Variants in ZNF341 observed in about 807,000 individuals in gnomAD.
The protein encoded by ZNF341 is zinc finger protein 341.
A neutral mutation model predicts 87.7 loss-of-function variants in ZNF341; 52 were observed. The observed-to-expected ratio is 0.59, with a 90% CI of 0.47 to 0.75. The LOEUF (loss-of-function observed/expected upper bound fraction) is 0.75. Ranked by LOEUF, ZNF341 falls within the 30% of genes least tolerant of loss-of-function variation. The pLI is 0.00. For synonymous variants in ZNF341, 459 were observed against 472.7 expected (o/e 0.97, Z 0.38); for missense variants, 977 against 1,145.9 (o/e 0.85, Z 2.13).
chr20:33,771,584 G>A (rs556017870), intron 10 of ZNF341, among the ~76,000 whole-genome samples: 1 of 152,182 alleles, frequency 6.6e-6, no homozygotes, highest in Admixed American at 6.5e-5. Flanking sequence ...GATGGATCAG[G>A]TATGGATTTT....
At chr20:33,777,411 G>A (rs533268063) in intron 10 of ZNF341, among the ~76,000 whole-genome samples, 2 of 151,488 alleles carry the variant, frequency 1.3e-5, no homozygotes, top group African/African-American at 2.4e-5. Context: ...GAGGTGGGCG[G>A]ATCACCTGAA....
chr20:33,745,858 A>C (rs547685611), intron 3 of ZNF341, among the ~76,000 whole-genome samples: 4 of 149,166 alleles, frequency 2.7e-5, no homozygotes, highest in African/African-American at 9.8e-5. Flanking sequence ...GCTGGGACTG[A>C]GTAAGTAGGA....
chr20:33,766,544 T>C (rs1740805561), intron 8 of ZNF341, among the ~76,000 whole-genome samples: 1 of 152,022 alleles, frequency 6.6e-6, no homozygotes, highest in African/African-American at 2.4e-5. Flanking sequence ...GGAGTACAAC[T>C]AGGATGGTGT....
chr20:33,752,586 G>A (rs1168108020), intron 4 of ZNF341: 3 of 330,566 alleles, frequency 9.1e-6, no homozygotes, highest in Non-Finnish European at 1.7e-5. Context: ...TCTTAAGATA[G>A]CAACATTAGG....
At position 33,732,141 on chromosome 20, in the gene ZNF341, G is replaced by A. The variant is rs2018578424; in HGVS notation, c.31+89G>A. On this transcript the variant is annotated intron_variant, in intron 1 of 14. Coordinates refer to ENST00000375200, the MANE Select transcript of ZNF341 (RefSeq NM_001282933.2). This position sits in a 1 kb window ranked among gnomAD's most constrained non-coding sequence, Gnocchi z 4.5. The stretch of plus-strand genomic sequence containing the variant: ...CGCAGCGCCCGGCCTAGGGCGCGCA[G>A]CGGCCGCGGGGCGGAGGGCGCCGGG... The A allele has an allele frequency of 1.0e-6, 1 of 989,442 alleles. No individual in the cohort carries two copies. Among genetic ancestry groups the A allele is most frequent in the Non-Finnish European group, 1.2e-6 (1 of 828,454 alleles). 61.3% of individuals were successfully genotyped at this position (989,442 alleles called of 1,614,324 possible).
intron 12 of ZNF341, among the ~76,000 whole-genome samples, chr20:33,785,697 A>G (rs1025125405): frequency 2.6e-5 from 4 of 152,192 alleles, no homozygotes; most frequent in African/African-American, 9.7e-5. Flanking sequence ...AGTTTGCAAA[A>G]TACTCCTAAT....
chr20:33,740,809 C>T (rs891639795), intron 1 of ZNF341, 93 bp from the exon 2 acceptor site: 3 of 1,146,764 alleles, frequency 2.6e-6, no homozygotes, highest in African/African-American at 3.0e-5. Flanking sequence ...TACCCAGCCG[C>T]CACAGGGGTT....
At chr20:33,766,802 T>C in intron 8 of ZNF341, 49 bp from the exon 9 acceptor site, 1 of 1,549,328 alleles carries the variant, frequency 6.5e-7, no homozygotes, top group African/African-American at 1.4e-5. Context: ...TGTGCATCCT[T>C]CCTGAATGGG....
intron 8 of ZNF341, among the ~76,000 whole-genome samples, chr20:33,762,260 A>G (rs1336237590): frequency 1.3e-5 from 2 of 152,168 alleles, no homozygotes; most frequent in African/African-American, 4.8e-5. Flanking sequence ...TACCCATGGC[A>G]GACATCACTA....
At chr20:33,784,962 C>G (rs998621420) in intron 12 of ZNF341, among the ~76,000 whole-genome samples, 9 of 152,208 alleles carry the variant, frequency 5.9e-5, no homozygotes, top group African/African-American at 1.9e-4. Flanking sequence ...GGACACTGCT[C>G]TCACTGTAAG....
Position 33,791,373 on chromosome 20 carries a change from T to C in ZNF341, c.2421T>C (p.Gly807=), listed in dbSNP as rs760203693. The C allele has an allele frequency of 1.2e-6, 2 of 1,612,602 alleles. No individual in the cohort carries two copies. Among genetic ancestry groups the C allele is most frequent in the Admixed American group, 1.7e-5 (1 of 59,984 alleles). The part of the protein sequence containing the change: ...PDAVLSIVVG[G]AVGAETELVV... ...CGGTGCTGTCCATCGTTGTGGGTGG[T>C]GCGGTGGGCGCGGAAACTGAGCTGG... Residue 807 remains glycine, a synonymous_variant, in exon 15 of 15, where the codon GGT becomes GGC. Coordinates refer to ENST00000375200, the MANE Select transcript of ZNF341 (RefSeq NM_001282933.2).
chr20:33,752,041 A>C, intron 4 of ZNF341: 1 of 374,954 alleles, frequency 2.7e-6, no homozygotes, highest in East Asian at 6.3e-5. Flanking sequence ...AATAAGCCTT[A>C]TCAACAAAGG....
intron 8 of ZNF341, among the ~76,000 whole-genome samples, chr20:33,764,865 AC>A: frequency 6.7e-6 from 1 of 149,588 alleles, no homozygotes; most frequent in African/African-American, 2.5e-5. Flanking sequence ...TCATTCTGTC[AC>A]CCCAGACTGG....
intron 8 of ZNF341, among the ~76,000 whole-genome samples, chr20:33,765,266 T>TAA (rs2019381087): frequency 6.6e-6 from 1 of 152,194 alleles, no homozygotes; most frequent in South Asian, 2.1e-4. Flanking sequence ...AGGGAGTGTT[T>TAA]TGCTGGGAAA....
intron 7 of ZNF341, among the ~76,000 whole-genome samples, chr20:33,759,567 A>G (rs760272385): frequency 1.3e-5 from 2 of 152,182 alleles, no homozygotes; most frequent in Non-Finnish European, 2.9e-5. Flanking sequence ...TACAGGTGTG[A>G]GCCACCGTGC....
intron 1 of ZNF341, among the ~76,000 whole-genome samples, chr20:33,734,852 A>T (rs186721681): frequency 5.3e-4 from 80 of 151,978 alleles, no homozygotes; most frequent in African/African-American, 1.4e-3. Context: ...CTACAGGCAC[A>T]TGCCACCACG....
chr20:33,761,891 T>C lies in ZNF341; in HGVS notation c.1058T>C (p.Ile353Thr). The change falls in exon 8 of 15, where the codon ATT (isoleucine) becomes ACT (threonine). Residue 353 changes from isoleucine to threonine, a missense_variant. Physicochemically the swap from Ile to Thr is moderately conservative, Grantham distance 89. This residue lies in a region of ZNF341 where 515 missense variants were observed against 598.2 expected (regional missense o/e 0.86). Coordinates refer to ENST00000375200, the MANE Select transcript of ZNF341 (RefSeq NM_001282933.2). The stretch of plus-strand genomic sequence containing the variant: ...ACCGGTGAGAAGCCCTTCCAGTGCA[T>C]TGCATGTGGCCGTGCCTTTGCCCAG... The part of the protein sequence containing the change: ...SHTGEKPFQC[I>T]ACGRAFAQKS... 1.3e-6 allele frequency: 2 copies of C among 1,581,190 alleles called. No individual in the cohort carries two copies. Among genetic ancestry groups the C allele is most frequent in the Non-Finnish European group, 1.7e-6 (2 of 1,156,194 alleles).
At chr20:33,735,253 A>T (rs965610807) in intron 1 of ZNF341, among the ~76,000 whole-genome samples, 3 of 152,002 alleles carry the variant, frequency 2.0e-5, no homozygotes, top group Non-Finnish European at 4.4e-5. Flanking sequence ...CTAGTCTCGA[A>T]CTCTTGACCT....
At chr20:33,741,723 G>A (rs1356286110) in intron 2 of ZNF341, among the ~76,000 whole-genome samples, 1 of 152,206 alleles carries the variant, frequency 6.6e-6, no homozygotes, top group East Asian at 1.9e-4. Flanking sequence ...CCTTCTTTTG[G>A]AAGTTTCTAT....
Sources: allele counts gnomAD v4.1 joint callset (sites outside exome capture counted in the v4.1 genomes callset), GRCh38; gene constraint gnomAD v4.1.1; regional missense constraint gnomAD v4.1.1; non-coding constraint Gnocchi (gnomAD v3.1); transcripts MANE v1.5; gene names NCBI Gene and HGNC (gene_info 2026-07-23, HGNC 2026-07-21).